The following CNTNAP2 variants were observed in gnomAD, a reference collection of about 807,000 sequenced individuals.
CNTNAP2 encodes contactin-associated protein-like 2.
A neutral mutation model predicts 155.2 loss-of-function variants in CNTNAP2; 98 were observed. The ratio of observed to expected loss-of-function variants is 0.63; its 90% CI spans 0.54 to 0.75. The LOEUF is 0.75. Ranked by LOEUF, CNTNAP2 falls within the 30% of genes least tolerant of loss-of-function variation. The pLI is 0.00. For synonymous variants in CNTNAP2, 651 were observed against 631.2 expected (o/e 1.03, Z -0.47); for missense variants, 1,727 against 1,688.1 (o/e 1.02, Z -0.40).
At chr7:147,586,443 T>A (rs1207350847) in intron 12 of CNTNAP2, among the ~76,000 whole-genome samples, 1 of 149,572 alleles carries the variant, frequency 6.7e-6, no homozygotes, top group Admixed American at 6.7e-5. Flanking sequence ...GGCCAAGAGG[T>A]GGGGTCCATT....
intron 1 of CNTNAP2, among the ~76,000 whole-genome samples, chr7:146,152,086 C>T (rs927841001): frequency 6.6e-6 from 1 of 151,846 alleles, no homozygotes; most frequent in Non-Finnish European, 1.5e-5. Context: ...CAGTATTATT[C>T]ACTATAGCCA....
chr7:146,460,331 G>A (rs1198295250), intron 1 of CNTNAP2, among the ~76,000 whole-genome samples: 1 of 152,050 alleles, frequency 6.6e-6, no homozygotes, highest in African/African-American at 2.4e-5. Context: ...TGGTGGGAAT[G>A]TAAATCAGTA....
chr7:147,613,833 A>G lies in CNTNAP2; in HGVS notation c.1898-25273A>G, dbSNP rs1030279858. Among the ~76,000 whole-genome samples the G allele has an allele frequency of 3.3e-5, 5 of 152,018 alleles. No individual in the cohort carries two copies. In the East Asian group the frequency reaches 9.7e-4, roughly 29 times the overall value. ...ACTCCAGCCTGGGCAACAGAGTGAG[A>G]CTCCGTTTCCAATAAAAAAAGAAAT... On this transcript the variant is annotated intron_variant, in intron 12 of 23. Transcript: ENST00000361727.
At chr7:148,113,184 C>G (rs79297369) in intron 15 of CNTNAP2, among the ~76,000 whole-genome samples, 2 of 152,162 alleles carry the variant, frequency 1.3e-5, no homozygotes, top group Admixed American at 1.3e-4. Context: ...GTTCACAGTT[C>G]CCGCAGGCTG....
chr7:148,366,973 C>T lies in CNTNAP2; in HGVS notation c.3476-16676C>T, dbSNP rs7806140. Among the ~76,000 whole-genome samples the T allele has an allele frequency of 9.8e-3, 1,489 of 152,332 alleles. 25 individuals are homozygous for T. The highest frequency in any genetic ancestry group is 0.034 in the African/African-American group (1,413 of 41,572). On this transcript the variant is annotated intron_variant, in intron 21 of 23. Coordinates refer to ENST00000361727, the MANE Select transcript of CNTNAP2 (RefSeq NM_014141.6). ...CACAGCTGTGCGCGGTGGCTCACGC[C>T]TGTAGTCCCAACACTTTGGGAGGCC...
chr7:147,755,747 C>T (rs990264389), intron 13 of CNTNAP2, among the ~76,000 whole-genome samples: 2 of 152,194 alleles, frequency 1.3e-5, no homozygotes, highest in Non-Finnish European at 2.9e-5. Context: ...GCACTGGTTC[C>T]TATGCTTAGA....
intron 8 of CNTNAP2, among the ~76,000 whole-genome samples, chr7:147,193,659 T>G (rs1464202392): frequency 1.3e-5 from 2 of 152,166 alleles, no homozygotes; most frequent in African/African-American, 4.8e-5. Context: ...GTGACCTTAG[T>G]GTTTTGTTAG....
intron 21 of CNTNAP2, among the ~76,000 whole-genome samples, chr7:148,364,487 C>T (rs1429915991): frequency 6.6e-6 from 1 of 151,700 alleles, no homozygotes; most frequent in African/African-American, 2.4e-5. Context: ...ATTGTAAATA[C>T]ACCAATCGGC....
chr7:148,358,498 C>G (rs1798560637), intron 21 of CNTNAP2, among the ~76,000 whole-genome samples: 1 of 152,106 alleles, frequency 6.6e-6, no homozygotes, highest in Non-Finnish European at 1.5e-5. Context: ...GCTGGCCTGC[C>G]TGTTCACCCG....
At chr7:147,087,242 T>A (rs1800297452) in intron 4 of CNTNAP2, among the ~76,000 whole-genome samples, 1 of 152,190 alleles carries the variant, frequency 6.6e-6, no homozygotes, top group Admixed American at 6.5e-5. Context: ...ATACAGTATC[T>A]CATTGTGGAT....
At chr7:148,044,384 A>C (rs1802735663) in intron 15 of CNTNAP2, among the ~76,000 whole-genome samples, 1 of 152,174 alleles carries the variant, frequency 6.6e-6, no homozygotes, top group Admixed American at 6.5e-5. Context: ...ACAAACAGGA[A>C]AACCTGTTTA....
intron 16 of CNTNAP2, among the ~76,000 whole-genome samples, chr7:148,143,179 G>T (rs1190564233): frequency 1.3e-5 from 2 of 152,162 alleles, no homozygotes; most frequent in African/African-American, 4.8e-5. Flanking sequence ...ACACATTTTG[G>T]ACACAGGAAC....
rs1261445430 is a variant in CNTNAP2, at chr7:147,832,543, CAATATATTATATTGA to C, written c.2099-70998_2099-70984del. 6.3e-3 allele frequency among the ~76,000 whole-genome samples: 879 copies of C among 139,668 alleles called. 9 individuals carry two copies. The highest frequency in any genetic ancestry group is 0.021 in the African/African-American group (823 of 39,286). 91.6% of individuals were successfully genotyped at this position (139,668 alleles called of 152,430 possible). On this transcript the variant is annotated intron_variant, in intron 13 of 23. Transcript: ENST00000361727. ...TATATTTCAATATATTTTTATATTT[CAATATATTATATTGA>C]AATATATTATATTGAAATATATTGA... is the stretch of plus-strand genomic sequence containing the variant.
intron 1 of CNTNAP2, among the ~76,000 whole-genome samples, chr7:146,476,138 G>T (rs1403904445): frequency 6.6e-6 from 1 of 152,098 alleles, no homozygotes; most frequent in Admixed American, 6.5e-5. Context: ...ACTGGTTTCA[G>T]ATACAGTAAA....
intron 1 of CNTNAP2, among the ~76,000 whole-genome samples, chr7:146,380,219 C>G (rs1354442364): frequency 6.6e-6 from 1 of 152,178 alleles, no homozygotes; most frequent in Non-Finnish European, 1.5e-5. Flanking sequence ...AAAATACACT[C>G]AAATTGCCCA....
chr7:146,955,987 G>C (rs531967546), intron 3 of CNTNAP2, among the ~76,000 whole-genome samples: 1 of 151,980 alleles, frequency 6.6e-6, no homozygotes, highest in South Asian at 2.1e-4. Context: ...TTCTTATTAT[G>C]TATACGTTTT....
chr7:146,864,030 C>A (rs999396222), intron 3 of CNTNAP2, among the ~76,000 whole-genome samples: 1 of 151,928 alleles, frequency 6.6e-6, no homozygotes, highest in African/African-American at 2.4e-5. Flanking sequence ...CTCTAAGTAA[C>A]CTTTTTTGGT....
At chr7:147,930,043 G>A (rs1800469434) in intron 14 of CNTNAP2, among the ~76,000 whole-genome samples, 1 of 152,060 alleles carries the variant, frequency 6.6e-6, no homozygotes, top group African/African-American at 2.4e-5. Context: ...CTGCTGCATG[G>A]CCTGGTTCCT....
At chr7:147,971,030 G>A (rs1015146848) in intron 14 of CNTNAP2, among the ~76,000 whole-genome samples, 2 of 152,270 alleles carry the variant, frequency 1.3e-5, no homozygotes, top group South Asian at 2.1e-4. Flanking sequence ...TTCTATCCAG[G>A]AAGAAAGGTC....
Sources: gnomAD v4.1 joint callset for allele counts (sites outside exome capture counted in the v4.1 genomes callset) on GRCh38, gnomAD v4.1.1 for gene constraint, MANE v1.5 for transcripts, NCBI Gene and HGNC (gene_info 2026-07-23, HGNC 2026-07-21) for gene names.